GAPVD1: variants seen among roughly 807,000 people sequenced by gnomAD.
The protein encoded by GAPVD1 is GTPase-activating protein and VPS9 domain-containing protein 1.
In GAPVD1, 35 loss-of-function variants were observed where a neutral mutation model predicts 155.5. The ratio of observed to expected loss-of-function variants is 0.23; its 90% CI spans 0.17 to 0.30. GAPVD1 has a LOEUF of 0.30. GAPVD1 is among the 10% of genes least tolerant of loss of function. The probability of loss-of-function intolerance (pLI) is 1.00; values close to 1 mark genes in which losing one functional copy is unlikely to be tolerated. For missense variants in GAPVD1, 1,429 were observed against 1,775.7 expected (o/e 0.80, Z 3.51); for synonymous variants, 636 against 619.7 (o/e 1.03, Z -0.39).
intron 10 of GAPVD1, among the ~76,000 whole-genome samples, chr9:125,322,913 T>A (rs1411220486): frequency 2.0e-5 from 3 of 151,612 alleles, no homozygotes; most frequent in Non-Finnish European, 4.4e-5. Context: ...ATTAGCTGGG[T>A]GTGGCAGCGT....
chr9:125,338,983 G>GGTTT (rs373097651), intron 17 of GAPVD1, among the ~76,000 whole-genome samples: 1 of 150,710 alleles, frequency 6.6e-6, no homozygotes, highest in Admixed American at 6.6e-5. Context: ...TTGTTGTTGT[G>GGTTT]GTTTGTTTGT....
chr9:125,337,580 T>C lies in GAPVD1; in HGVS notation c.2866T>C (p.Ser956Pro). 8 of 1,613,672 alleles carry C rather than the reference T, an allele frequency of 5.0e-6. No individual in the cohort carries two copies. The highest frequency in any genetic ancestry group is 4.4e-5 in the South Asian group (4 of 91,074). The change falls in exon 17 of 28, where the codon TCA becomes CCA. Residue 956 changes from serine to proline, a missense_variant. Physicochemically the swap from Ser to Pro is moderately conservative, Grantham distance 74. This residue lies in a region of GAPVD1 where 699 missense variants were observed against 826.0 expected (regional missense o/e 0.85). Coordinates refer to ENST00000297933, the MANE Select transcript of GAPVD1 (RefSeq NM_001282680.3). The stretch of plus-strand genomic sequence containing the variant: ...ATCTTCATCCCCGAGTAAGGACTCC[T>C]CAAGAGGAGAGGTATGGGACATAGG... ...SSSSSPSKDSSRGETEERKDS... is the reference protein window; with the variant it reads ...SSSSSPSKDSPRGETEERKDS...
intron 12 of GAPVD1, 87 bp downstream of exon 12, chr9:125,326,676 A>G: frequency 1.1e-6 from 1 of 889,990 alleles, no homozygotes; most frequent in Non-Finnish European, 1.8e-6. Context: ...CAGTGCCCTG[A>G]CAAACATTGT....
At chr9:125,268,445 A>G (rs539694794) in intron 1 of GAPVD1, among the ~76,000 whole-genome samples, 10 of 150,548 alleles carry the variant, frequency 6.6e-5, no homozygotes, top group Middle Eastern at 3.5e-3. Flanking sequence ...TGCTCTGTAA[A>G]TGTATGCTTC....
Position 125,261,871 on chromosome 9 carries a change from CG to C in GAPVD1, c.-282del. 6.5e-6 allele frequency: 1 copy of C among 153,884 alleles called. No individual in the cohort carries two copies. The highest frequency in any genetic ancestry group is 1.9e-4 in the East Asian group (1 of 5,244). 9.5% of individuals were successfully genotyped at this position (153,884 alleles called of 1,614,324 possible). On this transcript the variant is annotated 5_prime_UTR_variant, in exon 1 of 28. Coordinates refer to ENST00000297933, the MANE Select transcript of GAPVD1 (RefSeq NM_001282680.3). Reference sequence around the variant, plus strand: ...GTGGCGAAGGTGGCGGCAGCGGCGGCGGGGGCAGTCACCGGCTAGGGCGACG... The same window carrying C: ...GTGGCGAAGGTGGCGGCAGCGGCGGCGGGGCAGTCACCGGCTAGGGCGACG...
In GAPVD1 at chr9:125,355,706, C is replaced by G; in HGVS notation, c.3820C>G (p.Leu1274Val). 6.2e-7 allele frequency: 1 copy of G among 1,613,914 alleles called. No homozygotes were observed. Among genetic ancestry groups the G allele is most frequent in the Non-Finnish European group, 8.5e-7 (1 of 1,179,774 alleles). The change falls in exon 25 of 28, where the codon CTT becomes GTT. Residue 1274 changes from leucine to valine, a missense_variant. Transcript: ENST00000297933. ...TCAGGTAGAAGATTTTCTGCAGTTT[C>G]TTTATGGTGCAATGGCCCAGGATGT... Reference protein sequence around the residue: ...TAQVEDFLQFLYGAMAQDVIW... With the variant: ...TAQVEDFLQFVYGAMAQDVIW...
Position 125,354,906 on chromosome 9 carries a change from ACT to A in GAPVD1, c.3757+66_3757+67del, listed in dbSNP as rs567944222. 141 of 1,164,132 alleles carry A rather than the reference ACT, an allele frequency of 1.2e-4. 1 individual carries two copies. The East Asian group carries it at 3.1e-3, about 25-fold the overall frequency. The allele number at this position is 1,164,132 out of a possible 1,614,324, so 72.1% of individuals were successfully genotyped here. A position where few individuals can be genotyped will look rare whatever the true frequency, so the allele number is the denominator to read the frequency against. On this transcript the variant is annotated intron_variant, in intron 24 of 27. Coordinates refer to ENST00000297933, the MANE Select transcript of GAPVD1 (RefSeq NM_001282680.3). ...AATACTGTTGGGAAGATTTAGAAATACTGTTTTGTTTTGCTAGTTTGTTCAAG... is the reference window on the plus strand; with the variant it reads ...AATACTGTTGGGAAGATTTAGAAATAGTTTTGTTTTGCTAGTTTGTTCAAG...
In GAPVD1 at chr9:125,307,875, C is replaced by T; in HGVS notation, c.1436C>T (p.Pro479Leu). ...TTPANKKNRLPIATRSRSRTN... is the reference protein window; with the variant it reads ...TTPANKKNRLLIATRSRSRTN... ...CCAGCAAATAAAAAGAATCGATTAC[C>T]TATAGGTAAAGAGAATTTCTCGTAT... The change falls in exon 8 of 28, where the codon CCT becomes CTT. Residue 479 changes from proline (P) to leucine (L), a missense_variant. Pro to Leu is a moderately conservative substitution (Grantham distance 98). Coordinates refer to ENST00000297933, the MANE Select transcript of GAPVD1 (RefSeq NM_001282680.3). The T allele has an allele frequency of 1.3e-6, 2 of 1,597,004 alleles. No individual in the cohort carries two copies. The highest frequency in any genetic ancestry group is 1.7e-4 in the Middle Eastern group (1 of 6,022).
intron 5 of GAPVD1, among the ~76,000 whole-genome samples, chr9:125,304,349 C>G (rs752037940): frequency 2.0e-5 from 3 of 152,244 alleles, no homozygotes; most frequent in Non-Finnish European, 2.9e-5. Context: ...GCGTAAGCTA[C>G]TGTGCCTGGC....
At chr9:125,305,015 A>G in intron 5 of GAPVD1, 48 bp from the exon 6 acceptor site, 1 of 1,183,600 alleles carries the variant, frequency 8.4e-7, no homozygotes, top group South Asian at 1.2e-5. Flanking sequence ...CGTATTTGTG[A>G]GTATCTGTCT....
chr9:125,339,185 AC>A (rs1056696949), intron 17 of GAPVD1, among the ~76,000 whole-genome samples: 3 of 152,024 alleles, frequency 2.0e-5, no homozygotes, highest in Admixed American at 2.0e-4. Context: ...ATGGGGACTC[AC>A]TGTGTTGCCC....
At chr9:125,337,636 A>C in intron 17 of GAPVD1, 45 bp downstream of exon 17, 1 of 1,523,054 alleles carries the variant, frequency 6.6e-7, no homozygotes, top group South Asian at 1.2e-5. Context: ...CTGCCTGCCT[A>C]GTTCTCTTGA....
At chr9:125,263,077 T>C (rs1285145484) in intron 1 of GAPVD1, among the ~76,000 whole-genome samples, 1 of 152,246 alleles carries the variant, frequency 6.6e-6, no homozygotes, top group Non-Finnish European at 1.5e-5. Flanking sequence ...TATTTCCATA[T>C]AATTGGTTTC....
At chr9:125,287,923 T>C (rs1450753724) in intron 2 of GAPVD1, 1 of 151,888 alleles carries the variant, frequency 6.6e-6, no homozygotes, top group African/African-American at 2.4e-5. Flanking sequence ...GTATTTTTAG[T>C]AGAGACGGGT....
At chr9:125,331,151 T>C (rs1846009876) in intron 13 of GAPVD1, among the ~76,000 whole-genome samples, 1 of 152,218 alleles carries the variant, frequency 6.6e-6, no homozygotes, top group Non-Finnish European at 1.5e-5. Flanking sequence ...CATTACATTC[T>C]GTTGATTTAC....
At chr9:125,273,568 C>A (rs1835254854) in intron 2 of GAPVD1, among the ~76,000 whole-genome samples, 1 of 151,320 alleles carries the variant, frequency 6.6e-6, no homozygotes, top group Non-Finnish European at 1.5e-5. Flanking sequence ...TTATACTTGG[C>A]CACAAGGAAA....
At position 125,307,781 on chromosome 9, in the gene GAPVD1, A is replaced by G; in HGVS notation, c.1342A>G (p.Lys448Glu). The change falls in exon 8 of 28, where the codon AAG becomes GAG. Residue 448 changes from lysine to glutamate, a missense_variant. By Grantham distance (56) the Lys-to-Glu change is moderately conservative (BLOSUM62 1). Coordinates refer to ENST00000297933, the MANE Select transcript of GAPVD1 (RefSeq NM_001282680.3). ...TTTATTGGCAAACCTACCCCCGGCC[A>G]AGCCAGGAAAAAGTAGCAGTTTAGA... The part of the protein sequence containing the change: ...DNLLANLPPA[K>E]PGKSSSLEMT... 6.2e-7 allele frequency: 1 copy of G among 1,613,664 alleles called. No individual in the cohort carries two copies. Among genetic ancestry groups the G allele is most frequent in the Non-Finnish European group, 8.5e-7 (1 of 1,179,556 alleles).
chr9:125,322,712 A>G (rs1844519924), intron 10 of GAPVD1, among the ~76,000 whole-genome samples: 1 of 152,016 alleles, frequency 6.6e-6, no homozygotes, highest in African/African-American at 2.4e-5. Context: ...ATTTTTTTCA[A>G]CTTTCTTCTG....
At chr9:125,271,595 G>A (rs1834930156) in intron 2 of GAPVD1, among the ~76,000 whole-genome samples, 1 of 151,878 alleles carries the variant, frequency 6.6e-6, no homozygotes. Flanking sequence ...CTCTTGCCCA[G>A]GCTGGAGTCC....
Sources: gnomAD v4.1 joint callset for allele counts (sites outside exome capture counted in the v4.1 genomes callset) on GRCh38, gnomAD v4.1.1 for gene constraint, gnomAD v4.1.1 regional missense constraint, MANE v1.5 for transcripts, NCBI Gene and HGNC (gene_info 2026-07-23, HGNC 2026-07-21) for gene names.